SDK1: variants seen among roughly 807,000 people sequenced by gnomAD.
SDK1 encodes the protein protein sidekick-1.
SDK1 carries 157 observed loss-of-function variants against 245.5 expected under a neutral mutation model. That is an observed-to-expected ratio of 0.64 (90% confidence interval 0.56 to 0.73). The LOEUF is 0.73. Among genes scored for constraint, SDK1 ranks in the 30% least tolerant of loss-of-function variants. The pLI, the probability that SDK1 is intolerant of heterozygous loss-of-function variation, is 0.00. For missense variants in SDK1, 3,583 were observed against 3,002.3 expected (o/e 1.19, Z -4.52); for synonymous variants, 1,647 against 1,278.5 (o/e 1.29, Z -6.15).
intron 4 of SDK1, among the ~76,000 whole-genome samples, chr7:3,769,926 T>TAC (rs1309278850): frequency 6.8e-6 from 1 of 147,766 alleles, no homozygotes; most frequent in Non-Finnish European, 1.5e-5. Context: ...GTGTTATTTG[T>TAC]ACTTATTGTC....
chr7:3,351,237 C>T (rs1780651855), intron 1 of SDK1, among the ~76,000 whole-genome samples: 1 of 151,986 alleles, frequency 6.6e-6, no homozygotes, highest in African/African-American at 2.4e-5. Flanking sequence ...CTATGTTTTG[C>T]TTTCAACTAG....
At chr7:3,360,046 G>A (rs1780911762) in intron 1 of SDK1, among the ~76,000 whole-genome samples, 1 of 152,258 alleles carries the variant, frequency 6.6e-6, no homozygotes, top group Non-Finnish European at 1.5e-5. Flanking sequence ...TGTCATCTTT[G>A]CAAGCTGCAA....
chr7:4,178,432 A>C, intron 34 of SDK1, 53 bp from the exon 35 acceptor site: 2 of 1,338,270 alleles, frequency 1.5e-6, no homozygotes, highest in Non-Finnish European at 2.2e-6. Context: ...AACTTTGGAG[A>C]AAGAGAAGGT....
intron 25 of SDK1, among the ~76,000 whole-genome samples, chr7:4,126,162 C>T (rs759851982): frequency 2.0e-5 from 3 of 152,226 alleles, no homozygotes; most frequent in African/African-American, 4.8e-5. Flanking sequence ...AGAGCAGCTC[C>T]TCCATGCTGT....
chr7:4,063,663 C>G (rs967351774), intron 19 of SDK1, among the ~76,000 whole-genome samples: 2 of 150,110 alleles, frequency 1.3e-5, no homozygotes, highest in African/African-American at 2.5e-5. Context: ...ATAGCCAAAG[C>G]AATCCATAGC....
chr7:3,819,727 G>T (rs1779596069), intron 4 of SDK1, among the ~76,000 whole-genome samples: 1 of 152,064 alleles, frequency 6.6e-6, no homozygotes, highest in Non-Finnish European at 1.5e-5. Context: ...AATGAGACAT[G>T]AAGTAAGTCA....
At chr7:3,840,344 C>A (rs1287784706) in intron 5 of SDK1, among the ~76,000 whole-genome samples, 15 of 152,170 alleles carry the variant, frequency 9.9e-5, no homozygotes, top group Non-Finnish European at 2.9e-5. Flanking sequence ...AAACAAAAAT[C>A]TTTTAAATAT....
chr7:3,436,554 A>C (rs1009058421), intron 1 of SDK1, among the ~76,000 whole-genome samples: 2 of 152,200 alleles, frequency 1.3e-5, no homozygotes, highest in Non-Finnish European at 2.9e-5. Context: ...AAATTTGGCA[A>C]CTGAGGTGAT....
intron 42 of SDK1, among the ~76,000 whole-genome samples, chr7:4,239,806 C>G (rs1272958159): frequency 6.6e-6 from 1 of 152,192 alleles, no homozygotes. Context: ...GTTTTCCCAT[C>G]AACTGGGTCT....
intron 1 of SDK1, among the ~76,000 whole-genome samples, chr7:3,349,033 G>A (rs73048648): frequency 0.15 from 22,752 of 151,968 alleles, 2,727 homozygotes; most frequent in African/African-American, 0.33. Context: ...ACTGGTCTGC[G>A]CTTCTTTCTC....
rs754902996 is a variant in SDK1 at position 4,268,791 on chromosome 7, A to T, written c.*3407A>T. 1 of 1,337,168 alleles carries T rather than the reference A, an allele frequency of 7.5e-7. No individual in the cohort carries two copies. The highest frequency in any genetic ancestry group is 1.5e-5 in the African/African-American group (1 of 67,066). 82.8% of individuals were successfully genotyped at this position (1,337,168 alleles called of 1,614,324 possible). ...AAAGGTGAGGACAACGTGGAAACTCATGAGCTGAGCCTGCCCGCTGGGACA... is the reference window on the plus strand; with the variant it reads ...AAAGGTGAGGACAACGTGGAAACTCTTGAGCTGAGCCTGCCCGCTGGGACA... On this transcript the variant is annotated 3_prime_UTR_variant, in exon 45 of 45. Coordinates refer to ENST00000404826, the MANE Select transcript of SDK1 (RefSeq NM_152744.4).
In SDK1 at chr7:4,107,279, C is replaced by A. The variant is rs142332619; in HGVS notation, c.3325-3384C>A. On this transcript the variant is annotated intron_variant, in intron 22 of 44. Coordinates refer to ENST00000404826, the MANE Select transcript of SDK1 (RefSeq NM_152744.4). ...AGTTGAACCCGCCAGGCGTCTGTTT[C>A]CCCCTCACACATGCACAGACCAGGC... 5.7e-3 allele frequency among the ~76,000 whole-genome samples: 861 copies of A among 152,166 alleles called. 8 individuals carry two copies. The highest frequency in any genetic ancestry group is 0.02 in the African/African-American group (825 of 41,542).
At chr7:3,600,386 T>C (rs1280786981) in intron 1 of SDK1, among the ~76,000 whole-genome samples, 1 of 152,074 alleles carries the variant, frequency 6.6e-6, no homozygotes. Context: ...ACAATTTTAG[T>C]TCTTTCCTTC....
chr7:3,926,572 C>T (rs918648276), intron 5 of SDK1, among the ~76,000 whole-genome samples: 5 of 152,072 alleles, frequency 3.3e-5, no homozygotes, highest in Non-Finnish European at 1.5e-5. Context: ...GGTGATCCTT[C>T]TGCCTCAGGC....
intron 4 of SDK1, among the ~76,000 whole-genome samples, chr7:3,676,295 A>G (rs921874969): frequency 2.0e-5 from 3 of 148,876 alleles, no homozygotes; most frequent in Non-Finnish European, 4.4e-5. Context: ...CTGGAATTAC[A>G]CGTACCACAC....
chr7:3,972,121 C>T (rs1480785845), intron 12 of SDK1, among the ~76,000 whole-genome samples: 2 of 148,404 alleles, frequency 1.3e-5, no homozygotes, highest in African/African-American at 5.0e-5. Flanking sequence ...GCTCTGTCAC[C>T]TGAGCTGGAG....
intron 5 of SDK1, among the ~76,000 whole-genome samples, chr7:3,908,103 A>G (rs1038055429): frequency 6.6e-6 from 1 of 152,158 alleles, no homozygotes; most frequent in Non-Finnish European, 1.5e-5. Context: ...GAGTGCCCGT[A>G]ATGTGCTGGC....
intron 1 of SDK1, among the ~76,000 whole-genome samples, chr7:3,328,079 G>T (rs1029524144): frequency 3.9e-5 from 6 of 152,008 alleles, no homozygotes; most frequent in African/African-American, 1.5e-4. Context: ...CGTGTTACTG[G>T]TATGGTATTC....
chr7:3,304,301 G>C (rs148244023), intron 1 of SDK1, among the ~76,000 whole-genome samples: 1 of 152,186 alleles, frequency 6.6e-6, no homozygotes, highest in African/African-American at 2.4e-5. Flanking sequence ...ATTCTGGAAG[G>C]CAGGTGGCAA....
Sources: gnomAD v4.1 joint callset for allele counts (sites outside exome capture counted in the v4.1 genomes callset) on GRCh38, gnomAD v4.1.1 for gene constraint, MANE v1.5 for transcripts, NCBI Gene and HGNC (gene_info 2026-07-23, HGNC 2026-07-21) for gene names.